SPI1: variants seen among roughly 807,000 people sequenced by gnomAD.
SPI1 encodes the protein transcription factor PU.1.
In SPI1, 3 loss-of-function variants were observed where a neutral mutation model predicts 30.7. That is an observed-to-expected ratio of 0.10 (90% confidence interval 0.04 to 0.25). SPI1 has a LOEUF of 0.25. Among genes scored for constraint, SPI1 ranks in the 10% least tolerant of loss-of-function variants. SPI1 has a pLI of 1.00. For synonymous variants in SPI1, 169 were observed against 157.1 expected, an observed-to-expected ratio of 1.08 and a Z score of -0.56; for missense variants, 261 against 371.5, an observed-to-expected ratio of 0.70 and a Z score of 2.45.
chr11:47,358,178 GACAC>G (rs1440942255), intron 4 of SPI1: 2 of 215,218 alleles, frequency 9.3e-6, no homozygotes, highest in Non-Finnish European at 9.4e-6. Context: ...CACATCCACT[GACAC>G]ACACCTATGC....
chr11:47,360,823 C>CAAA (rs771338982), intron 2 of SPI1, among the ~76,000 whole-genome samples: 1 of 100,354 alleles, frequency 1.0e-5, no homozygotes, highest in Admixed American at 1.1e-4. Context: ...GACTCTGCCT[C>CAAA]AAAAAAAAAA....
rs1257038224 is a variant in SPI1 at position 47,359,215 on chromosome 11, TCCAGCCCAC to T, written c.331-218_331-210del. On this transcript the variant is annotated intron_variant, in intron 3 of 4. Coordinates refer to ENST00000378538, the MANE Select transcript of SPI1 (RefSeq NM_003120.3). The surrounding 1 kb of genome is among the most constrained non-coding windows in gnomAD (Gnocchi z 5.1). Reference sequence around the variant, plus strand: ...GGCTGTGGGGCGAGGGGTGCTGACATCCAGCCCACCCAGCCCTCCCAGCTGGGCCTCCTG... The same window carrying T: ...GGCTGTGGGGCGAGGGGTGCTGACATCCAGCCCTCCCAGCTGGGCCTCCTG... 6.6e-6 allele frequency among the ~76,000 whole-genome samples: 1 copy of T among 152,070 alleles called. No homozygotes were observed. The highest frequency in any genetic ancestry group is 1.9e-4 in the East Asian group (1 of 5,180).
chr11:47,375,802 G>T lies in SPI1; in HGVS notation c.46-73C>A. ...AGCCAGGCCTGCAGCACCCCCGCAC[G>T]CTGGGTCCCCATCACCTTCCCTGGC... On this transcript the variant is annotated intron_variant, in intron 1 of 4. Coordinates refer to ENST00000378538, the MANE Select transcript of SPI1 (RefSeq NM_003120.3). This position sits in a 1 kb window ranked among gnomAD's most constrained non-coding sequence, Gnocchi z 4.2. 1 of 1,189,928 alleles carries T rather than the reference G, an allele frequency of 8.4e-7. No homozygotes were observed. The highest frequency in any genetic ancestry group is 1.3e-6 in the Non-Finnish European group (1 of 795,640). The allele number at this position is 1,189,928 out of a possible 1,614,324, so 73.7% of individuals were successfully genotyped here. A position where few individuals can be genotyped will look rare whatever the true frequency, so the allele number is the denominator to read the frequency against.
At chr11:47,367,803 G>C (rs1350492185) in intron 2 of SPI1, among the ~76,000 whole-genome samples, 15 of 133,616 alleles carry the variant, frequency 1.1e-4, no homozygotes, top group African/African-American at 4.4e-4. Flanking sequence ...TCTCGCCCAG[G>C]CTGGAGTGCA....
chr11:47,360,158 C>T (rs1362134628), intron 2 of SPI1, 118 bp from the exon 3 acceptor site: 5 of 865,374 alleles, frequency 5.8e-6, no homozygotes, highest in East Asian at 5.6e-5. Flanking sequence ...CTCGTTTAAC[C>T]CTCGCCACCT....
chr11:47,356,164 ACT>A (rs754596922), intron 4 of SPI1, among the ~76,000 whole-genome samples: 10 of 149,884 alleles, frequency 6.7e-5, no homozygotes, highest in Admixed American at 1.3e-4. Flanking sequence ...GCCCTCACAC[ACT>A]GTCACTTTCT....
chr11:47,357,906 G>A (rs1016460736), intron 4 of SPI1, among the ~76,000 whole-genome samples: 5 of 151,592 alleles, frequency 3.3e-5, no homozygotes, highest in Admixed American at 2.0e-4. Context: ...TCACACACCT[G>A]CTTTCACACA....
At chr11:47,358,537 C>T (rs1022271707) in intron 4 of SPI1, 2 of 689,752 alleles carry the variant, frequency 2.9e-6, no homozygotes, top group Non-Finnish European at 5.3e-6. Flanking sequence ...CATGCACCTG[C>T]CCGTACCTGT....
At chr11:47,368,874 A>C (rs1337832997) in intron 2 of SPI1, among the ~76,000 whole-genome samples, 1 of 152,228 alleles carries the variant, frequency 6.6e-6, no homozygotes, top group Non-Finnish European at 1.5e-5. Flanking sequence ...ATATCACAGA[A>C]CTATACACTT....
In SPI1 at chr11:47,375,932, G is replaced by A. The variant is rs969223089; in HGVS notation, c.46-203C>T. On this transcript the variant is annotated intron_variant, in intron 1 of 4. Transcript: ENST00000378538. This position sits in a 1 kb window ranked among gnomAD's most constrained non-coding sequence, Gnocchi z 4.2. ...GAAAAGGGGTGACAGGGACCTTGGG[G>A]GTGAGAGGTCAGAAGAGGACCAGGG... Among the ~76,000 whole-genome samples the A allele has an allele frequency of 2.0e-5, 3 of 152,032 alleles. No individual in the cohort carries two copies. The highest frequency in any genetic ancestry group is 1.3e-4 in the Admixed American group (2 of 15,270).
In SPI1 at chr11:47,375,711, G is replaced by A. The variant is rs2095941390; in HGVS notation, c.64C>T (p.Pro22Ser). 5 of 1,613,676 alleles carry A rather than the reference G, an allele frequency of 3.1e-6. No individual in the cohort carries two copies. The highest frequency in any genetic ancestry group is 1.7e-5 in the Admixed American group (1 of 59,982). The part of the protein sequence containing the change: ...LVPPPSEDLV[P>S]YDTDLYQRQT... ...CGTTGGTATAGATCCGTGTCATAGG[G>A]CACCAGGTCTTCTGATGGCTGCTGA... Residue 22 changes from proline to serine, a missense_variant, in exon 2 of 5, where the codon CCC becomes TCC. This residue lies in a region of SPI1 where 78 missense variants were observed against 93.2 expected (regional missense o/e 0.84). Transcript: ENST00000378538. The surrounding 1 kb of genome is among the most constrained non-coding windows in gnomAD (Gnocchi z 4.2).
At chr11:47,378,247 G>GGGCAGGCA (rs1482394117) in intron 1 of SPI1, 62 bp downstream of exon 1, 3 of 1,556,308 alleles carry the variant, frequency 1.9e-6, no homozygotes, top group African/African-American at 1.4e-5. Context: ...GCGGGTTCGT[G>GGGCAGGCA]GGCAGGCAGG....
intron 2 of SPI1, among the ~76,000 whole-genome samples, chr11:47,367,553 CAAA>C (rs368823506): frequency 8.7e-6 from 1 of 114,472 alleles, no homozygotes. Context: ...GACTCTGCCT[CAAA>C]AAAAAAAAAA....
At chr11:47,372,282 G>C (rs1022381150) in intron 2 of SPI1, among the ~76,000 whole-genome samples, 1 of 151,970 alleles carries the variant, frequency 6.6e-6, no homozygotes, top group African/African-American at 2.4e-5. Flanking sequence ...AGTAGAGATG[G>C]GGTTTCACCA....
chr11:47,354,876 T>G lies in SPI1; in HGVS notation c.*351A>C. 2.0e-5 allele frequency: 4 copies of G among 203,964 alleles called. No homozygotes were observed. Among genetic ancestry groups the G allele is most frequent in the Admixed American group, 6.0e-5 (1 of 16,696 alleles). The allele number at this position is 203,964 out of a possible 1,614,324, so 12.6% of individuals were successfully genotyped here. ...GCAAGAGGATGGATTGAGAATAACT[T>G]TACTTGTTTTTTGGGAGGAGGTTAA... is the stretch of plus-strand genomic sequence containing the variant. On this transcript the variant is annotated 3_prime_UTR_variant, in exon 5 of 5. Transcript: ENST00000378538.
In SPI1 at chr11:47,358,196, T is replaced by C. The variant is rs2095914782; in HGVS notation, c.493+648A>G. Reference sequence around the variant, plus strand: ...ATCCACTGACACACACCTATGCCCATTCACACACACTTATATCACACACAT... The same window carrying C: ...ATCCACTGACACACACCTATGCCCACTCACACACACTTATATCACACACAT... On this transcript the variant is annotated intron_variant, in intron 4 of 4. Coordinates refer to ENST00000378538, the MANE Select transcript of SPI1 (RefSeq NM_003120.3). 3 of 252,166 alleles carry C rather than the reference T, an allele frequency of 1.2e-5. No individual in the cohort carries two copies. In the South Asian group the frequency reaches 1.6e-4, roughly 13 times the overall value. The allele number at this position is 252,166 out of a possible 1,614,324, so 15.6% of individuals were successfully genotyped here.
At chr11:47,357,063 ACACACATGCTAACACTT>A (rs1436385658) in intron 4 of SPI1, among the ~76,000 whole-genome samples, 10 of 151,108 alleles carry the variant, frequency 6.6e-5, no homozygotes, top group South Asian at 4.2e-4. Flanking sequence ...ACTCATGCTC[ACACACATGCTAACACTT>A]CACACATGCT....
At chr11:47,355,951 CAA>C (rs1235811372) in intron 4 of SPI1, among the ~76,000 whole-genome samples, 6 of 120,268 alleles carry the variant, frequency 5.0e-5, no homozygotes, top group African/African-American at 7.1e-5. Flanking sequence ...TGCTTAAACA[CAA>C]TGCAACCACT....
rs144711386 is a variant in SPI1 at position 47,359,420 on chromosome 11, G to T, written c.331-414C>A. The stretch of plus-strand genomic sequence containing the variant: ...ATGAGTGAGTGGAGGGACCCTGGAG[G>T]TCAGTAGGGGTGGTAGAGGTCAGCA... On this transcript the variant is annotated intron_variant, in intron 3 of 4. Transcript: ENST00000378538. The surrounding 1 kb of genome is among the most constrained non-coding windows in gnomAD (Gnocchi z 5.1). Among the ~76,000 whole-genome samples, 204 of 152,218 alleles carry T rather than the reference G, an allele frequency of 1.3e-3. No homozygotes were observed. Among genetic ancestry groups the T allele is most frequent in the African/African-American group, 4.8e-3 (199 of 41,518 alleles).
Sources: gnomAD v4.1 joint callset for allele counts (sites outside exome capture counted in the v4.1 genomes callset) on GRCh38, gnomAD v4.1.1 for gene constraint, gnomAD v4.1.1 regional missense constraint, Gnocchi (gnomAD v3.1) non-coding constraint, MANE v1.5 for transcripts, NCBI Gene and HGNC (gene_info 2026-07-23, HGNC 2026-07-21) for gene names.